The following AP3B1 variants were observed in gnomAD, a reference collection of about 807,000 sequenced individuals.
AP3B1 encodes adaptor related protein complex 3 subunit beta 1, also known as AP-3 complex subunit beta-1.
In AP3B1, 61 loss-of-function variants were observed where a neutral mutation model predicts 132.5. That is an observed-to-expected ratio of 0.46 (90% CI 0.37 to 0.57). The LOEUF (loss-of-function observed/expected upper bound fraction) is 0.57. Among genes scored for constraint, AP3B1 ranks in the 20% least tolerant of loss-of-function variants. The pLI is 0.00. For synonymous variants in AP3B1, 388 were observed against 438.3 expected, an observed-to-expected ratio of 0.89 and a Z score of 1.43; for missense variants, 1,120 against 1,289.4, an observed-to-expected ratio of 0.87 and a Z score of 2.01.
intron 7 of AP3B1, among the ~76,000 whole-genome samples, chr5:78,194,160 A>G (rs1025894178): frequency 6.6e-6 from 1 of 152,202 alleles, no homozygotes; most frequent in Non-Finnish European, 1.5e-5. Flanking sequence ...TTATGTAGCT[A>G]GCATGGCTGT....
intron 26 of AP3B1, among the ~76,000 whole-genome samples, chr5:78,012,478 G>A (rs915740914): frequency 1.3e-5 from 2 of 152,110 alleles, no homozygotes; most frequent in African/African-American, 4.8e-5. Context: ...ATAACTTTAG[G>A]TGTTTGTTAC....
At chr5:78,259,447 C>T (rs1443103926) in intron 2 of AP3B1, among the ~76,000 whole-genome samples, 1 of 152,042 alleles carries the variant, frequency 6.6e-6, no homozygotes, top group Non-Finnish European at 1.5e-5. Context: ...ATAAGACCTT[C>T]TATTTGACAG....
chr5:78,211,633 G>T (rs1267999404), intron 7 of AP3B1, among the ~76,000 whole-genome samples: 5 of 152,140 alleles, frequency 3.3e-5, no homozygotes, highest in Admixed American at 3.3e-4. Flanking sequence ...AATTCAATAG[G>T]AAACATGATT....
At chr5:78,142,517 T>C (rs1463063518) in intron 14 of AP3B1, among the ~76,000 whole-genome samples, 1 of 152,172 alleles carries the variant, frequency 6.6e-6, no homozygotes, top group East Asian at 1.9e-4. Flanking sequence ...TGGCTATACA[T>C]AGTAGGATTG....
At chr5:78,002,003 C>T (rs1415065959), downstream of AP3B1, 3 of 152,200 alleles carry the variant, frequency 2.0e-5, no homozygotes, top group African/African-American at 7.2e-5. Context: ...CAAAGTTGGG[C>T]ATAAGGAAAA....
intron 6 of AP3B1, among the ~76,000 whole-genome samples, chr5:78,225,031 T>C (rs978231028): frequency 2.0e-5 from 3 of 152,038 alleles, no homozygotes; most frequent in Admixed American, 6.5e-5. Context: ...TTATCCAGGA[T>C]AGATCAAATG....
At chr5:78,264,434 T>C (rs563590456) in intron 2 of AP3B1, among the ~76,000 whole-genome samples, 4 of 152,212 alleles carry the variant, frequency 2.6e-5, no homozygotes, top group African/African-American at 4.8e-5. Context: ...TAAATGGAGA[T>C]ACAGAAAGTT....
intron 22 of AP3B1, among the ~76,000 whole-genome samples, chr5:78,057,594 AAC>A (rs1467276840): frequency 6.6e-6 from 1 of 152,158 alleles, no homozygotes; most frequent in East Asian, 1.9e-4. Flanking sequence ...CAGCCCTCTA[AAC>A]ACACTGTATT....
chr5:78,121,353 C>T (rs1323755696), intron 17 of AP3B1, among the ~76,000 whole-genome samples: 1 of 152,008 alleles, frequency 6.6e-6, no homozygotes, highest in African/African-American at 2.4e-5. Context: ...CAGAGCAGAA[C>T]TGAAGGAAAT....
chr5:78,026,575 C>T (rs1747349578), intron 24 of AP3B1, among the ~76,000 whole-genome samples: 1 of 152,086 alleles, frequency 6.6e-6, no homozygotes, highest in South Asian at 2.1e-4. Context: ...TTCATTATTC[C>T]CCCACAGATT....
chr5:78,135,937 A>T (rs1202292756), intron 15 of AP3B1, among the ~76,000 whole-genome samples: 9 of 152,166 alleles, frequency 5.9e-5, no homozygotes, highest in Admixed American at 5.9e-4. Flanking sequence ...CATAAAAGTG[A>T]AATTACTCCT....
chr5:78,079,017 CATGAATACATTGCAAA>C (rs1396612378), intron 22 of AP3B1, among the ~76,000 whole-genome samples: 1 of 152,138 alleles, frequency 6.6e-6, no homozygotes, highest in East Asian at 1.9e-4. Flanking sequence ...TGACTATATT[CATGAATACATTGCAAA>C]ATGCAAGCCT....
chr5:78,010,156 C>T (rs906013242), intron 26 of AP3B1, among the ~76,000 whole-genome samples: 2 of 152,188 alleles, frequency 1.3e-5, no homozygotes, highest in African/African-American at 4.8e-5. Context: ...TGCTGGAGCA[C>T]TCTGGGATAT....
chr5:78,269,590 C>T (rs1026622381), intron 1 of AP3B1, among the ~76,000 whole-genome samples: 1 of 152,202 alleles, frequency 6.6e-6, no homozygotes, highest in Middle Eastern at 3.4e-3. Flanking sequence ...TAATCCATAA[C>T]TCATTAAAAC....
intron 3 of AP3B1, among the ~76,000 whole-genome samples, chr5:78,237,380 G>C (rs1028276682): frequency 6.6e-6 from 1 of 151,910 alleles, no homozygotes; most frequent in Admixed American, 6.6e-5. Context: ...TGTGGTCCCA[G>C]CTACTCAGAA....
chr5:78,139,950 GA>G (rs374966659), intron 15 of AP3B1, among the ~76,000 whole-genome samples: 191 of 151,670 alleles, frequency 1.3e-3, no homozygotes, highest in East Asian at 7.6e-3. Flanking sequence ...GGGAGGTGGA[GA>G]AAAAAAATCA....
chr5:78,029,402 C>T (rs79195400), intron 24 of AP3B1, among the ~76,000 whole-genome samples: 4,052 of 152,082 alleles, frequency 0.027, 80 homozygotes, highest in Non-Finnish European at 0.043. Flanking sequence ...CACACACACA[C>T]GCTCACACAC....
At chr5:78,188,123 A>G (rs1214461698) in intron 7 of AP3B1, among the ~76,000 whole-genome samples, 1 of 152,222 alleles carries the variant, frequency 6.6e-6, no homozygotes, top group Admixed American at 6.5e-5. Context: ...CCAAAACTAT[A>G]AAAACCCTAG....
chr5:78,276,637 G>A (rs911022689), intron 1 of AP3B1, among the ~76,000 whole-genome samples: 1 of 152,096 alleles, frequency 6.6e-6, no homozygotes, highest in Non-Finnish European at 1.5e-5. Context: ...AGAGGCTGAG[G>A]TGGGAGGATT....
Sources: gnomAD v4.1 joint callset for allele counts (sites outside exome capture counted in the v4.1 genomes callset) on GRCh38, gnomAD v4.1.1 for gene constraint, MANE v1.5 for transcripts, NCBI Gene and HGNC (gene_info 2026-07-23, HGNC 2026-07-21) for gene names.